Variants in OSBPL6 observed in about 807,000 individuals in gnomAD.
The protein encoded by OSBPL6 is oxysterol-binding protein-related protein 6.
OSBPL6 carries 49 observed loss-of-function variants against 125.8 expected under a neutral mutation model. That is an observed-to-expected ratio of 0.39 (90% CI 0.31 to 0.49). OSBPL6 has a LOEUF of 0.49. OSBPL6 is among the 20% of genes least tolerant of loss of function. The pLI is 0.88. For synonymous variants in OSBPL6, 394 were observed against 391.8 expected, an observed-to-expected ratio of 1.01 and a Z score of -0.07; for missense variants, 986 against 1,135.4, an observed-to-expected ratio of 0.87 and a Z score of 1.89.
At chr2:178,274,132 G>C (rs987285605) in intron 1 of OSBPL6, among the ~76,000 whole-genome samples, 7 of 152,248 alleles carry the variant, frequency 4.6e-5, no homozygotes, top group Admixed American at 1.3e-4. Context: ...GTGTGCCTTG[G>C]AAATATTCTG....
At chr2:178,267,550 A>C (rs953409711) in intron 1 of OSBPL6, among the ~76,000 whole-genome samples, 1 of 152,128 alleles carries the variant, frequency 6.6e-6, no homozygotes, top group African/African-American at 2.4e-5. Flanking sequence ...TATAAGCTAT[A>C]TATTATTCTA....
intron 1 of OSBPL6, among the ~76,000 whole-genome samples, chr2:178,219,161 T>C (rs894113379): frequency 6.6e-6 from 1 of 152,192 alleles, no homozygotes; most frequent in Non-Finnish European, 1.5e-5. Flanking sequence ...CTGTTAGTGA[T>C]AGACTGTAAA....
intron 1 of OSBPL6, among the ~76,000 whole-genome samples, chr2:178,249,827 G>GTTTTT (rs34986231): frequency 5.0e-5 from 6 of 119,498 alleles, no homozygotes; most frequent in African/African-American, 1.5e-4. Context: ...AACTAGAAGT[G>GTTTTT]TTTTTTTTTT....
intron 13 of OSBPL6, 83 bp downstream of exon 13, chr2:178,361,898 G>A (rs1692395601): frequency 1.3e-6 from 2 of 1,546,900 alleles, no homozygotes; most frequent in African/African-American, 1.4e-5. Flanking sequence ...GGGGCTGGCA[G>A]GGAGGTGGCT....
At chr2:178,345,978 A>G (rs767352316) in intron 11 of OSBPL6, among the ~76,000 whole-genome samples, 15 of 152,220 alleles carry the variant, frequency 9.9e-5, no homozygotes, top group Non-Finnish European at 1.6e-4. Context: ...GGGTGACTAT[A>G]GAAGTTACGA....
At chr2:178,320,189 CTGTT>C in intron 3 of OSBPL6, 2 of 1,420,994 alleles carry the variant, frequency 1.4e-6, no homozygotes, top group Non-Finnish European at 1.9e-6. Context: ...CATTGTCTGT[CTGTT>C]TACCTATGTC....
chr2:178,224,297 C>G (rs2090461900), intron 1 of OSBPL6, among the ~76,000 whole-genome samples: 1 of 151,964 alleles, frequency 6.6e-6, no homozygotes, highest in East Asian at 1.9e-4. Context: ...AGAAAACTGT[C>G]TATTGCAGAG....
chr2:178,281,051 G>C (rs560213316), intron 1 of OSBPL6, among the ~76,000 whole-genome samples: 2 of 134,790 alleles, frequency 1.5e-5, no homozygotes, highest in Non-Finnish European at 3.1e-5. Flanking sequence ...GTCTTACTCT[G>C]TTGCCCAGGT....
chr2:178,257,007 A>G (rs2091907088), intron 1 of OSBPL6, among the ~76,000 whole-genome samples: 1 of 152,194 alleles, frequency 6.6e-6, no homozygotes, highest in Non-Finnish European at 1.5e-5. Flanking sequence ...ATTGGTCCAC[A>G]TATCTACTTT....
chr2:178,328,599 C>T (rs1370909944), intron 5 of OSBPL6, among the ~76,000 whole-genome samples: 3 of 152,122 alleles, frequency 2.0e-5, no homozygotes, highest in Non-Finnish European at 1.5e-5. Flanking sequence ...GCGATTCTTC[C>T]ACCTCAGCCT....
chr2:178,253,896 G>A (rs2091787154), intron 1 of OSBPL6, among the ~76,000 whole-genome samples: 1 of 152,156 alleles, frequency 6.6e-6, no homozygotes, highest in South Asian at 2.1e-4. Flanking sequence ...GCCCTCCTGA[G>A]TGGGTTAATG....
intron 1 of OSBPL6, among the ~76,000 whole-genome samples, chr2:178,198,654 A>ATAAG (rs1191892424): frequency 1.3e-5 from 2 of 151,132 alleles, no homozygotes; most frequent in Non-Finnish European, 2.9e-5. Flanking sequence ...AAATAAATAA[A>ATAAG]TAAGAGAACT....
chr2:178,387,225 G>A (rs1695023966), intron 20 of OSBPL6, 86 bp downstream of exon 20: 2 of 1,085,266 alleles, frequency 1.8e-6, no homozygotes, highest in African/African-American at 3.2e-5. Flanking sequence ...GATGGTAAGG[G>A]TTTCTTTCTC....
chr2:178,279,449 C>T (rs1009945033), intron 1 of OSBPL6, among the ~76,000 whole-genome samples: 7 of 152,334 alleles, frequency 4.6e-5, no homozygotes, highest in Admixed American at 2.0e-4. Flanking sequence ...TTTCCAGAGA[C>T]GCCCACTGGC....
intron 14 of OSBPL6, among the ~76,000 whole-genome samples, chr2:178,372,827 G>A (rs1693520378): frequency 6.6e-6 from 1 of 152,136 alleles, no homozygotes; most frequent in African/African-American, 2.4e-5. Flanking sequence ...TCTGTTAGGT[G>A]GTATTATTAT....
intron 13 of OSBPL6, among the ~76,000 whole-genome samples, chr2:178,366,388 C>T (rs779829788): frequency 2.6e-5 from 4 of 152,166 alleles, no homozygotes; most frequent in Non-Finnish European, 5.9e-5. Context: ...GTGTTAAACG[C>T]AGTGAGAGTT....
intron 3 of OSBPL6, chr2:178,320,362 A>G (rs770516819): frequency 1.9e-6 from 3 of 1,613,248 alleles, no homozygotes; most frequent in East Asian, 2.2e-5. Flanking sequence ...TTTAAGCTAA[A>G]TATGCATCAG....
chr2:178,266,394 A>G (rs577728354), intron 1 of OSBPL6, among the ~76,000 whole-genome samples: 2 of 152,080 alleles, frequency 1.3e-5, no homozygotes, highest in East Asian at 3.9e-4. Context: ...GGTGTCTCAG[A>G]AGAGGATGGA....
chr2:178,308,551 T>C (rs1446444914), intron 3 of OSBPL6, among the ~76,000 whole-genome samples: 1 of 152,190 alleles, frequency 6.6e-6, no homozygotes, highest in Non-Finnish European at 1.5e-5. Flanking sequence ...TTATTTGCCT[T>C]TCCTTCTCAA....
Sources: gnomAD v4.1 joint callset for allele counts (sites outside exome capture counted in the v4.1 genomes callset) on GRCh38, gnomAD v4.1.1 for gene constraint, MANE v1.5 for transcripts, NCBI Gene and HGNC (gene_info 2026-07-23, HGNC 2026-07-21) for gene names.